The following COX7A2L variants were observed in gnomAD, a reference collection of about 807,000 sequenced individuals.
COX7A2L encodes cytochrome c oxidase subunit 7A2-like, mitochondrial.
COX7A2L carries 18 observed loss-of-function variants against 14.2 expected under a neutral mutation model. That is an observed-to-expected ratio of 1.27 (90% CI 0.88 to 1.88). The LOEUF (loss-of-function observed/expected upper bound fraction) is 1.88, where lower values mean the gene tolerates loss of function less well. Among genes scored for constraint, COX7A2L ranks in the 40% most tolerant of loss-of-function variants. COX7A2L has a pLI of 0.00. For missense variants in COX7A2L, 179 were observed against 138.8 expected (o/e 1.29, Z -1.46); for synonymous variants, 65 against 57.4 (o/e 1.13, Z -0.60).
At chr2:42,351,678 G>A (rs950979204) in intron 2 of COX7A2L, among the ~76,000 whole-genome samples, 1 of 152,182 alleles carries the variant, frequency 6.6e-6, no homozygotes, top group Non-Finnish European at 1.5e-5. Context: ...GCTAAAAGAA[G>A]TGCAGGCAGG....
upstream of COX7A2L, among the ~76,000 whole-genome samples, chr2:42,365,322 TACAC>T (rs1671144096): frequency 6.6e-6 from 1 of 152,138 alleles, no homozygotes; most frequent in Non-Finnish European, 1.5e-5. Context: ...TAAGCCCACA[TACAC>T]ACACAGAAAT....
At chr2:42,346,535 T>C (rs533612200), downstream of COX7A2L, among the ~76,000 whole-genome samples, 1 of 152,300 alleles carries the variant, frequency 6.6e-6, no homozygotes, top group East Asian at 1.9e-4. Flanking sequence ...CCCAACACTT[T>C]GGGAGGCTAC....
intron 1 of COX7A2L, among the ~76,000 whole-genome samples, chr2:42,355,162 G>A (rs886602740): frequency 1.3e-5 from 2 of 152,132 alleles, no homozygotes; most frequent in Admixed American, 6.5e-5. Context: ...TAAGATGTTG[G>A]CCTACATTTA....
chr2:42,355,998 T>C (rs937037651), intron 1 of COX7A2L, among the ~76,000 whole-genome samples: 2 of 152,118 alleles, frequency 1.3e-5, no homozygotes, highest in African/African-American at 4.8e-5. Flanking sequence ...AGTGCTGGGA[T>C]TACAGGCGTG....
chr2:42,357,728 T>C (rs1670872316), intron 1 of COX7A2L, among the ~76,000 whole-genome samples: 1 of 152,192 alleles, frequency 6.6e-6, no homozygotes. Context: ...ACCCTGTCAC[T>C]GTGAAAAGCA....
At chr2:42,347,566 A>C (rs557903874), downstream of COX7A2L, among the ~76,000 whole-genome samples, 26 of 152,236 alleles carry the variant, frequency 1.7e-4, no homozygotes, top group Non-Finnish European at 3.2e-4. Flanking sequence ...AACAATCTCT[A>C]AGCTACAAGT....
rs1440864201 is a variant in COX7A2L, at chr2:42,338,919, C to G, written c.193-5050G>C. Among the ~76,000 whole-genome samples the G allele has an allele frequency of 2.0e-5, 3 of 152,212 alleles. No homozygotes were observed. Among genetic ancestry groups the G allele is most frequent in the African/African-American group, 7.2e-5 (3 of 41,450 alleles). On this transcript the variant is annotated intron_variant, in intron 2 of 2. Coordinates refer to the COX7A2L transcript ENST00000468711. This position sits in a 1 kb window ranked among gnomAD's most constrained non-coding sequence, Gnocchi z 4.4. ...CAAAGGGGAGAGACATCCTGGCGAG[C>G]TCAGCACATAAGAGAACGAGAGATT...
intron 1 of COX7A2L, among the ~76,000 whole-genome samples, chr2:42,353,945 C>T (rs879219046): frequency 6.6e-5 from 10 of 152,142 alleles, no homozygotes; most frequent in East Asian, 5.8e-4. Flanking sequence ...TGCTACAACA[C>T]GGATAAGCCT....
Position 42,336,123 on chromosome 2 carries a change from G to C in COX7A2L, c.193-2254C>G, listed in dbSNP as rs185359053. Among the ~76,000 whole-genome samples, 31 of 152,310 alleles carry C rather than the reference G, an allele frequency of 2.0e-4. No individual in the cohort carries two copies. The East Asian group carries it at 5.6e-3, about 27-fold the overall frequency. ...GAGCTCAGCGTGGCAGCTTCTCTCT[G>C]TCATTGGCCACGTGCTTTTTCCACT... On this transcript the variant is annotated intron_variant, in intron 2 of 2. Transcript: ENST00000468711.
upstream of COX7A2L, among the ~76,000 whole-genome samples, chr2:42,366,150 C>A (rs966460684): frequency 1.3e-5 from 2 of 152,106 alleles, no homozygotes; most frequent in African/African-American, 4.8e-5. Flanking sequence ...AAGGGGCGGG[C>A]TGGGTGTGGT....
In COX7A2L at chr2:42,349,935, T is replaced by C. The variant is rs918503460; in HGVS notation, c.*1284A>G. On this transcript the variant is annotated 3_prime_UTR_variant, in exon 3 of 3. Coordinates refer to ENST00000234301, the MANE Select transcript of COX7A2L (RefSeq NM_004718.4). ...AAGAAAAAGCAAAGGTGCCAATATA[T>C]TGATAACTGGTGATCTAAGTGAAGG... 3 of 152,342 alleles carry C rather than the reference T, an allele frequency of 2.0e-5. No homozygotes were observed. Among genetic ancestry groups the C allele is most frequent in the African/African-American group, 2.4e-5 (1 of 41,586 alleles). The allele number at this position is 152,342 out of a possible 1,614,324, so 9.4% of individuals were successfully genotyped here. A position where few individuals can be genotyped will look rare whatever the true frequency, so the allele number is the denominator to read the frequency against.
intron 1 of COX7A2L, 112 bp downstream of exon 1, chr2:42,360,978 G>A (rs1671013386): frequency 5.3e-6 from 6 of 1,122,786 alleles, no homozygotes; most frequent in Admixed American, 2.0e-5. Flanking sequence ...GGAGAACAGA[G>A]ACGAACTCGA....
intron 1 of COX7A2L, among the ~76,000 whole-genome samples, chr2:42,355,714 G>GTTTTTTTTT (rs1254293234): frequency 6.0e-5 from 5 of 82,864 alleles, no homozygotes; most frequent in African/African-American, 2.5e-4. Flanking sequence ...AAAATCCTAC[G>GTTTTTTTTT]TTCTTTTTTT....
chr2:42,359,293 T>C (rs768486912), intron 1 of COX7A2L: 2 of 152,118 alleles, frequency 1.3e-5, no homozygotes, highest in African/African-American at 4.8e-5. Flanking sequence ...AAGGCAAAAC[T>C]ATCTATTTAT....
At chr2:42,345,473 CA>C (rs966713956), downstream of COX7A2L, among the ~76,000 whole-genome samples, 28 of 144,926 alleles carry the variant, frequency 1.9e-4, no homozygotes, top group South Asian at 2.4e-3. Flanking sequence ...CTCTAAATTG[CA>C]AAAAAAAAAA....
upstream of COX7A2L, chr2:42,361,655 C>G (rs1331984805): frequency 1.3e-5 from 2 of 153,678 alleles, no homozygotes; most frequent in African/African-American, 2.4e-5. Context: ...ATTCCACCAT[C>G]CGAGAGAGTC....
chr2:42,354,655 A>C (rs1357700415), intron 1 of COX7A2L, among the ~76,000 whole-genome samples: 3 of 152,222 alleles, frequency 2.0e-5, no homozygotes, highest in Admixed American at 1.3e-4. Flanking sequence ...CAATAAAAAG[A>C]AGCATTAAAG....
downstream of COX7A2L, among the ~76,000 whole-genome samples, chr2:42,347,723 A>C (rs1345469809): frequency 6.6e-6 from 1 of 152,194 alleles, no homozygotes; most frequent in South Asian, 2.1e-4. Context: ...GGAGTTCAAG[A>C]CCAGCCTGAC....
At chr2:42,360,665 C>T (rs1159208816) in intron 1 of COX7A2L, among the ~76,000 whole-genome samples, 3 of 152,174 alleles carry the variant, frequency 2.0e-5, no homozygotes, top group Admixed American at 6.5e-5. Flanking sequence ...TATAGCCCCG[C>T]GCTCTCTAAT....
Sources: allele counts gnomAD v4.1 joint callset (sites outside exome capture counted in the v4.1 genomes callset), GRCh38; gene constraint gnomAD v4.1.1; non-coding constraint Gnocchi (gnomAD v3.1); transcripts MANE v1.5; gene names NCBI Gene and HGNC (gene_info 2026-07-23, HGNC 2026-07-21).